VPS13B: variants seen among roughly 807,000 people sequenced by gnomAD.
The protein encoded by VPS13B is intermembrane lipid transfer protein VPS13B.
In VPS13B, 285 loss-of-function variants were observed where a neutral mutation model predicts 426.4. That is an observed-to-expected ratio of 0.67 (90% CI 0.61 to 0.74). VPS13B has a LOEUF of 0.74. VPS13B is among the 30% of genes least tolerant of loss of function. The pLI is 0.00. For missense variants in VPS13B, 4,537 were observed against 4,782.6 expected (o/e 0.95, Z 1.51); for synonymous variants, 1,676 against 1,676.4 (o/e 1.00, Z 0.01).
At chr8:99,625,619 C>T (rs1158089987) in intron 33 of VPS13B, among the ~76,000 whole-genome samples, 1 of 152,072 alleles carries the variant, frequency 6.6e-6, no homozygotes, top group East Asian at 1.9e-4. Context: ...CTTTGGGAAG[C>T]TGAGGCGGGC....
intron 29 of VPS13B, 96 bp downstream of exon 29, chr8:99,511,608 C>G: frequency 7.9e-7 from 1 of 1,262,582 alleles, no homozygotes; most frequent in African/African-American, 1.5e-5. Flanking sequence ...AAAATATGAG[C>G]AGTTGGTTGT....
At chr8:99,701,741 A>C (rs893629165) in intron 36 of VPS13B, among the ~76,000 whole-genome samples, 2 of 152,182 alleles carry the variant, frequency 1.3e-5, no homozygotes, top group African/African-American at 4.8e-5. Context: ...ATCAGAGTTG[A>C]GATTAGCTAC....
At chr8:99,279,856 G>A (rs1269718164) in intron 19 of VPS13B, among the ~76,000 whole-genome samples, 2 of 152,054 alleles carry the variant, frequency 1.3e-5, no homozygotes, top group Non-Finnish European at 2.9e-5. Context: ...TGCAACCTCC[G>A]CCTCCCAGGT....
At chr8:99,820,283 T>C (rs1478191225) in intron 49 of VPS13B, among the ~76,000 whole-genome samples, 161 bp downstream of exon 49, 1 of 152,186 alleles carries the variant, frequency 6.6e-6, no homozygotes, top group Non-Finnish European at 1.5e-5. Context: ...TCAAGGACTT[T>C]TCTGATGTCT....
Position 99,312,210 on chromosome 8 carries a change from T to G in VPS13B, c.2824+36956T>G, listed in dbSNP as rs372370409. Among the ~76,000 whole-genome samples, 10 of 152,302 alleles carry G rather than the reference T, an allele frequency of 6.6e-5. No individual in the cohort carries two copies. In the East Asian group the frequency reaches 1.9e-3, roughly 29 times the overall value. ...TTATGTGTGAATTTGATCCTGTCAT[T>G]ATGATGTTAGCTGGTTATTTTGCTC... On this transcript the variant is annotated intron_variant, in intron 19 of 61. Coordinates refer to ENST00000357162, the MANE Select transcript of VPS13B (RefSeq NM_152564.5).
chr8:99,509,982 T>C (rs1236068943), intron 28 of VPS13B, among the ~76,000 whole-genome samples: 2 of 152,212 alleles, frequency 1.3e-5, no homozygotes, highest in African/African-American at 4.8e-5. Flanking sequence ...CTAATTGAGA[T>C]AGTTTTAACA....
At chr8:99,336,532 A>T (rs528604574) in intron 19 of VPS13B, among the ~76,000 whole-genome samples, 1 of 152,334 alleles carries the variant, frequency 6.6e-6, no homozygotes, top group South Asian at 2.1e-4. Flanking sequence ...ATGAAACTAA[A>T]GAGCTTCTGC....
intron 56 of VPS13B, 80 bp from the exon 57 acceptor site, chr8:99,859,224 G>A: frequency 1.3e-6 from 2 of 1,563,062 alleles, no homozygotes; most frequent in South Asian, 2.2e-5. Context: ...GAATTGCAGG[G>A]AAAATGGGTC....
intron 17 of VPS13B, among the ~76,000 whole-genome samples, chr8:99,246,650 G>A (rs1380999810): frequency 6.6e-6 from 1 of 152,142 alleles, no homozygotes; most frequent in South Asian, 2.1e-4. Context: ...GGTGGATTAT[G>A]AGGTCAGGAG....
intron 17 of VPS13B, among the ~76,000 whole-genome samples, chr8:99,260,789 C>T (rs1441129822): frequency 6.6e-6 from 1 of 152,062 alleles, no homozygotes; most frequent in Non-Finnish European, 1.5e-5. Flanking sequence ...GAACCAAACT[C>T]TGTCCCCTTC....
At chr8:99,750,163 A>G (rs746859587) in intron 39 of VPS13B, among the ~76,000 whole-genome samples, 4 of 152,128 alleles carry the variant, frequency 2.6e-5, no homozygotes, top group Non-Finnish European at 5.9e-5. Flanking sequence ...TATATTTTAT[A>G]TTCATTCGTG....
chr8:99,833,536 A>G (rs1472029044), intron 52 of VPS13B, among the ~76,000 whole-genome samples: 2 of 152,190 alleles, frequency 1.3e-5, no homozygotes, highest in East Asian at 1.9e-4. Flanking sequence ...TTCTCCACAC[A>G]TCCCTCCTTC....
intron 58 of VPS13B, among the ~76,000 whole-genome samples, chr8:99,867,669 T>C (rs1025603476): frequency 6.6e-6 from 1 of 152,104 alleles, no homozygotes; most frequent in Non-Finnish European, 1.5e-5. Flanking sequence ...ATAAAAACAA[T>C]GTATGACTCC....
intron 3 of VPS13B, among the ~76,000 whole-genome samples, chr8:99,038,920 C>T (rs141972497): frequency 2.0e-5 from 3 of 152,066 alleles, no homozygotes; most frequent in Non-Finnish European, 1.5e-5. Flanking sequence ...CTCTTGACCT[C>T]GTGATCTGCC....
At chr8:99,732,865 C>T (rs1388169317) in intron 39 of VPS13B, among the ~76,000 whole-genome samples, 16 of 152,318 alleles carry the variant, frequency 1.1e-4, no homozygotes, top group East Asian at 9.6e-4. Flanking sequence ...GTCAGTAAGA[C>T]GTGCTTTTAA....
rs934832023 is a variant in VPS13B at position 99,122,168 on chromosome 8, AT to A, written c.1206+732del. On this transcript the variant is annotated intron_variant, in intron 8 of 61. Transcript: ENST00000357162. ...GCTATCACGCCCAGCCTCATAACAA[AT>A]TTTTTTTTAAAGGATTGTTTACATA... 7.3e-5 allele frequency among the ~76,000 whole-genome samples: 11 copies of A among 150,574 alleles called. No homozygotes were observed. The East Asian group carries it at 1.2e-3, about 16-fold the overall frequency.
intron 33 of VPS13B, among the ~76,000 whole-genome samples, chr8:99,588,025 C>G (rs1338361401): frequency 6.6e-6 from 1 of 151,742 alleles, no homozygotes; most frequent in African/African-American, 2.4e-5. Context: ...GATCTAGTTT[C>G]AGCTTTCTAC....
At chr8:99,601,028 CT>C (rs1827271366) in intron 33 of VPS13B, among the ~76,000 whole-genome samples, 1 of 151,810 alleles carries the variant, frequency 6.6e-6, no homozygotes, top group Non-Finnish European at 1.5e-5. Context: ...ACTTTAAGTT[CT>C]GGGATACATG....
chr8:99,246,849 CA>C (rs11312937), intron 17 of VPS13B, among the ~76,000 whole-genome samples: 105,726 of 135,818 alleles, frequency 0.78, 40,171 homozygotes, highest in Middle Eastern at 0.86. Flanking sequence ...GACTCTGTCT[CA>C]AAAAAAAAAA....
Sources: gnomAD v4.1 joint callset for allele counts (sites outside exome capture counted in the v4.1 genomes callset) on GRCh38, gnomAD v4.1.1 for gene constraint, MANE v1.5 for transcripts, NCBI Gene and HGNC (gene_info 2026-07-23, HGNC 2026-07-21) for gene names.